KANK1: variants seen among roughly 807,000 people sequenced by gnomAD.
KANK1 encodes KN motif and ankyrin repeat domains 1.
KANK1 carries 109 observed loss-of-function variants against 106.2 expected under a neutral mutation model. That is an observed-to-expected ratio of 1.03 (90% CI 0.88 to 1.20). KANK1 has a LOEUF of 1.20. KANK1 is among the 50% of genes most tolerant of loss of function. The pLI is 0.00. For synonymous variants in KANK1, 873 were observed against 652.2 expected, an observed-to-expected ratio of 1.34 and a Z score of -5.16; for missense variants, 2,399 against 1,710.7, an observed-to-expected ratio of 1.40 and a Z score of -7.10.
At chr9:605,629 A>G (rs1236976286) in intron 1 of KANK1, among the ~76,000 whole-genome samples, 5 of 151,862 alleles carry the variant, frequency 3.3e-5, no homozygotes, top group African/African-American at 1.2e-4. Context: ...GTGGAGAGGT[A>G]GCAAGAGACC....
chr9:727,229 A>G (rs1830923293), intron 3 of KANK1, among the ~76,000 whole-genome samples: 1 of 152,234 alleles, frequency 6.6e-6, no homozygotes, highest in African/African-American at 2.4e-5. Context: ...TAAAACTTTT[A>G]GACAATTAAG....
chr9:475,064 G>A (rs1183012424), intron 3 of KANK1, among the ~76,000 whole-genome samples: 1 of 152,134 alleles, frequency 6.6e-6, no homozygotes, highest in Non-Finnish European at 1.5e-5. Flanking sequence ...CAGCACCAGG[G>A]AAAGGCAGTC....
At chr9:675,293 A>C (rs557957823) in intron 1 of KANK1, among the ~76,000 whole-genome samples, 3 of 152,296 alleles carry the variant, frequency 2.0e-5, no homozygotes, top group African/African-American at 4.8e-5. Context: ...TTATTTTGGC[A>C]TTCTGTTGTT....
chr9:559,660 A>T (rs1406881415), intron 1 of KANK1, among the ~76,000 whole-genome samples: 1 of 152,256 alleles, frequency 6.6e-6, no homozygotes, highest in South Asian at 2.1e-4. Context: ...GGTGAAAAAG[A>T]CGGAAAAGAC....
At chr9:725,553 C>G (rs1830436170) in intron 3 of KANK1, among the ~76,000 whole-genome samples, 1 of 150,978 alleles carries the variant, frequency 6.6e-6, no homozygotes, top group Admixed American at 6.6e-5. Flanking sequence ...GAATTTTTTG[C>G]CAGCTCTCAC....
At position 519,678 on chromosome 9, in the gene KANK1, T is replaced by G. The variant is rs143543102; in HGVS notation, c.-84+14924T>G. Among the ~76,000 whole-genome samples the G allele has an allele frequency of 5.1e-3, 779 of 151,820 alleles. 43 individuals are homozygous for G. Among genetic ancestry groups the G allele is most frequent in the African/African-American group, 0.018 (746 of 41,146 alleles). On this transcript the variant is annotated intron_variant, in intron 1 of 11. Coordinates refer to ENST00000382297, the MANE Select transcript of KANK1 (RefSeq NM_015158.5). ...TTTTGCCAGGAGACTGGTATGCCAG[T>G]TAAGTTTATAACCTCGATCCTTGTT...
chr9:713,344 G>A lies in KANK1; in HGVS notation c.2578G>A (p.Gly860Ser). The A allele has an allele frequency of 6.2e-7, 1 of 1,614,152 alleles. No individual in the cohort carries two copies. Among genetic ancestry groups the A allele is most frequent in the Non-Finnish European group, 8.5e-7 (1 of 1,180,020 alleles). Residue 860 changes from glycine (G) to serine (S), a missense_variant, in exon 3 of 12, where the codon GGC becomes AGC. Transcript: ENST00000382297. ...EAFGEPHSQMGSLNSQLISTL... is the reference protein window; with the variant it reads ...EAFGEPHSQMSSLNSQLISTL... ...TTTCGGGGAACCTCACTCACAGATG[G>A]GCTCCCTCAACTCTCAGCTCATCAG...
intron 1 of KANK1, among the ~76,000 whole-genome samples, chr9:542,844 A>AGC (rs2060689789): frequency 9.2e-6 from 1 of 108,302 alleles, no homozygotes; most frequent in Admixed American, 1.0e-4. Context: ...AAGAAAGTCA[A>AGC]ACTCTCACAG....
rs2058436974 is a variant in KANK1 at position 495,078 on chromosome 9, T to G, written c.-362+21805T>G. Among the ~76,000 whole-genome samples, 5 of 152,344 alleles carry G rather than the reference T, an allele frequency of 3.3e-5. No individual in the cohort carries two copies. The South Asian group carries it at 1.0e-3, about 32-fold the overall frequency. The stretch of plus-strand genomic sequence containing the variant: ...ATAACTTTCTAGAATTCTGTGTGTT[T>G]CCTAGAGAAATACAGGAATGACAGC... On this transcript the variant is annotated intron_variant, in intron 3 of 15. Coordinates refer to the KANK1 transcript ENST00000382303.
intron 3 of KANK1, among the ~76,000 whole-genome samples, chr9:485,079 A>G (rs996309861): frequency 6.6e-6 from 1 of 152,216 alleles, no homozygotes; most frequent in African/African-American, 2.4e-5. Flanking sequence ...AACAGCATTC[A>G]TTCACCTGAT....
chr9:691,284 A>G (rs1471804220), intron 2 of KANK1, among the ~76,000 whole-genome samples: 3 of 138,400 alleles, frequency 2.2e-5, no homozygotes, highest in Non-Finnish European at 4.7e-5. Context: ...AGAACACAAT[A>G]TTTATGAATG....
In KANK1 at chr9:676,306, A is replaced by G. The variant is rs1816401848; in HGVS notation, c.-83-584A>G. Among the ~76,000 whole-genome samples the G allele has an allele frequency of 2.6e-5, 4 of 152,194 alleles. No individual in the cohort carries two copies. In the South Asian group the frequency reaches 8.3e-4, roughly 32 times the overall value. ...GCCTCTAATAATTTGAAGTTTATCCAACGGCACAGTGGGAGATAATGAATT... is the reference window on the plus strand; with the variant it reads ...GCCTCTAATAATTTGAAGTTTATCCGACGGCACAGTGGGAGATAATGAATT... On this transcript the variant is annotated intron_variant, in intron 1 of 11. Transcript: ENST00000382297.
rs532413157 is a variant in KANK1 at position 669,891 on chromosome 9, T to C, written c.-83-6999T>C. On this transcript the variant is annotated intron_variant, in intron 1 of 11. Coordinates refer to ENST00000382297, the MANE Select transcript of KANK1 (RefSeq NM_015158.5). ...TGGTCTTTTAAGGTAATTTTCTATA[T>C]CTTGTAGGCAATCTTTGTATAATAT... Among the ~76,000 whole-genome samples the C allele has an allele frequency of 2.0e-5, 3 of 152,308 alleles. No homozygotes were observed. In the South Asian group the frequency reaches 6.2e-4, roughly 32 times the overall value.
chr9:580,927 G>C (rs1056462235), intron 1 of KANK1, among the ~76,000 whole-genome samples: 1 of 152,210 alleles, frequency 6.6e-6, no homozygotes, highest in Non-Finnish European at 1.5e-5. Context: ...CGGGGAGGCA[G>C]CTGAGGCCTG....
chr9:592,083 T>G (rs1825048538), intron 1 of KANK1, among the ~76,000 whole-genome samples: 1 of 151,828 alleles, frequency 6.6e-6, no homozygotes, highest in South Asian at 2.1e-4. Flanking sequence ...ATGTGGTATT[T>G]GTAGGAGATC....
At chr9:738,244 C>T (rs781407414) in intron 7 of KANK1, 41 bp from the exon 8 acceptor site, 23 of 1,532,410 alleles carry the variant, frequency 1.5e-5, no homozygotes. Flanking sequence ...CTCAGAAAGT[C>T]TATAAATAGA....
Position 602,939 on chromosome 9 carries a change from C to T in KANK1, c.-83-73951C>T, listed in dbSNP as rs535806920. 1.1e-4 allele frequency among the ~76,000 whole-genome samples: 16 copies of T among 151,992 alleles called. No individual in the cohort carries two copies. In the South Asian group the frequency reaches 2.5e-3, roughly 24 times the overall value. ...GAAAACCAAACATGCAGTCAAGGCA[C>T]ATTCCACGTGTGGCTGATGGGGTTA... On this transcript the variant is annotated intron_variant, in intron 1 of 11. Transcript: ENST00000382297.
At chr9:511,696 T>G (rs535374728) in intron 1 of KANK1, among the ~76,000 whole-genome samples, 2 of 152,310 alleles carry the variant, frequency 1.3e-5, no homozygotes, top group Non-Finnish European at 2.9e-5. Context: ...TACTCACACA[T>G]AGTGTAAATA....
intron 6 of KANK1, 77 bp downstream of exon 6, chr9:732,694 G>C: frequency 6.6e-7 from 1 of 1,506,936 alleles, no homozygotes; most frequent in East Asian, 2.3e-5. Flanking sequence ...CCAGTTCAGA[G>C]CTTTTGTAAT....
Sources: gnomAD v4.1 joint callset for allele counts (sites outside exome capture counted in the v4.1 genomes callset) on GRCh38, gnomAD v4.1.1 for gene constraint, MANE v1.5 for transcripts, NCBI Gene and HGNC (gene_info 2026-07-23, HGNC 2026-07-21) for gene names.